PPFIA2: variants seen among roughly 807,000 people sequenced by gnomAD.
The protein encoded by PPFIA2 is PPFI scaffold protein A2, also known as liprin-alpha-2.
PPFIA2 carries 46 observed loss-of-function variants against 175.5 expected under a neutral mutation model. The observed-to-expected ratio is 0.26, with a 90% CI of 0.21 to 0.34. The LOEUF (loss-of-function observed/expected upper bound fraction) is 0.34. PPFIA2 is among the 10% of genes least tolerant of loss of function. The pLI, the probability that PPFIA2 is intolerant of heterozygous loss-of-function variation, is 1.00. For synonymous variants in PPFIA2, 568 were observed against 511.4 expected, an observed-to-expected ratio of 1.11 and a Z score of -1.49; for missense variants, 1,179 against 1,506.1, an observed-to-expected ratio of 0.78 and a Z score of 3.60.
At chr12:81,661,371 A>G (rs929582959) in intron 4 of PPFIA2, among the ~76,000 whole-genome samples, 6 of 152,230 alleles carry the variant, frequency 3.9e-5, no homozygotes, top group African/African-American at 1.2e-4. Context: ...AAGCAAATGG[A>G]AAACAGAAAA....
At chr12:81,466,860 T>C (rs1163186116) in intron 4 of PPFIA2, among the ~76,000 whole-genome samples, 1 of 147,530 alleles carries the variant, frequency 6.8e-6, no homozygotes, top group Non-Finnish European at 1.5e-5. Context: ...TTAAAAAATA[T>C]ATATAATTTT....
chr12:81,357,580 T>C (rs1414228289), intron 16 of PPFIA2, among the ~76,000 whole-genome samples: 3 of 152,218 alleles, frequency 2.0e-5, no homozygotes, highest in Non-Finnish European at 2.9e-5. Context: ...ATAGTCTATG[T>C]ACATTTTCTT....
At chr12:81,751,289 CATA>C (rs2083731099) in intron 3 of PPFIA2, among the ~76,000 whole-genome samples, 1 of 152,094 alleles carries the variant, frequency 6.6e-6, no homozygotes, top group Admixed American at 6.6e-5. Context: ...TGTATAGGCT[CATA>C]ATCCCTAATC....
intron 7 of PPFIA2, among the ~76,000 whole-genome samples, chr12:81,406,780 G>A (rs1282068909): frequency 1.3e-5 from 2 of 151,876 alleles, no homozygotes; most frequent in African/African-American, 2.4e-5. Flanking sequence ...GTCAATATTA[G>A]TTCTGGGAGA....
At chr12:81,538,597 T>C (rs1390969691) in intron 4 of PPFIA2, among the ~76,000 whole-genome samples, 1 of 151,896 alleles carries the variant, frequency 6.6e-6, no homozygotes, top group Non-Finnish European at 1.5e-5. Context: ...AAGATGCTAT[T>C]TCAACAAAGA....
intron 4 of PPFIA2, among the ~76,000 whole-genome samples, chr12:81,582,949 A>C (rs1005749869): frequency 2.0e-5 from 3 of 151,882 alleles, no homozygotes; most frequent in Non-Finnish European, 2.9e-5. Flanking sequence ...TATATTTTCA[A>C]TAAAAATATC....
At chr12:81,626,546 A>G (rs1345898674) in intron 4 of PPFIA2, among the ~76,000 whole-genome samples, 1 of 152,080 alleles carries the variant, frequency 6.6e-6, no homozygotes, top group Non-Finnish European at 1.5e-5. Flanking sequence ...TGTTTGAGTC[A>G]CCCTGCAGTA....
intron 21 of PPFIA2, among the ~76,000 whole-genome samples, chr12:81,327,298 A>G (rs2054999856): frequency 6.6e-6 from 1 of 152,062 alleles, no homozygotes; most frequent in Non-Finnish European, 1.5e-5. Context: ...GAATACGGGT[A>G]CTTAAATCTT....
chr12:81,675,249 G>T (rs1050109432), intron 4 of PPFIA2, among the ~76,000 whole-genome samples: 1 of 151,320 alleles, frequency 6.6e-6, no homozygotes, highest in South Asian at 2.1e-4. Flanking sequence ...GAGAGATAAA[G>T]TTGTATAACT....
At chr12:81,705,762 C>A (rs2153607350) in intron 3 of PPFIA2, among the ~76,000 whole-genome samples, 1 of 152,276 alleles carries the variant, frequency 6.6e-6, no homozygotes, top group African/African-American at 2.4e-5. Flanking sequence ...GCATGACTGT[C>A]TCATCAGCCA....
At chr12:81,704,274 C>T (rs1159388984) in intron 3 of PPFIA2, among the ~76,000 whole-genome samples, 1 of 152,084 alleles carries the variant, frequency 6.6e-6, no homozygotes, top group Non-Finnish European at 1.5e-5. Context: ...ACATAATTGT[C>T]ATCCAAAAAT....
intron 31 of PPFIA2, among the ~76,000 whole-genome samples, chr12:81,262,848 A>G (rs2036069169): frequency 6.6e-6 from 1 of 152,210 alleles, no homozygotes; most frequent in Non-Finnish European, 1.5e-5. Flanking sequence ...TTAAACATGT[A>G]GGGAGACAGT....
intron 4 of PPFIA2, among the ~76,000 whole-genome samples, chr12:81,629,730 C>T (rs1441223446): frequency 6.6e-6 from 1 of 152,164 alleles, no homozygotes; most frequent in Non-Finnish European, 1.5e-5. Context: ...ACTTCCACTG[C>T]ACCCTACATG....
chr12:81,308,837 A>G (rs2050002673), intron 22 of PPFIA2, among the ~76,000 whole-genome samples: 1 of 152,216 alleles, frequency 6.6e-6, no homozygotes, highest in Admixed American at 6.5e-5. Context: ...ATGAGATAGA[A>G]AAGTTGAATT....
chr12:81,377,417 T>C (rs761776410), intron 9 of PPFIA2, among the ~76,000 whole-genome samples: 1 of 151,970 alleles, frequency 6.6e-6, no homozygotes, highest in Non-Finnish European at 1.5e-5. Flanking sequence ...CTGGGCATCA[T>C]GGCTCATGCC....
rs1253409545 is a variant in PPFIA2, at chr12:81,754,157, C to T, written c.65G>A (p.Ser22Asn). 4 of 1,612,796 alleles carry T rather than the reference C, an allele frequency of 2.5e-6. No individual in the cohort carries two copies. The highest frequency in any genetic ancestry group is 2.5e-6 in the Non-Finnish European group (3 of 1,179,398). Residue 22 changes from serine (S) to asparagine (N), a missense_variant, in exon 3 of 33, where the codon AGC becomes AAC. This residue lies in a region of PPFIA2 where 128 missense variants were observed against 141.4 expected (regional missense o/e 0.91). Coordinates refer to ENST00000549396, the MANE Select transcript of PPFIA2 (RefSeq NM_003625.5). ...ATGGGAGTCTGAGTCCGAGCCACTGCTTTGGGACCCCCTTTGGCTCATTGG... is the reference window on the plus strand; with the variant it reads ...ATGGGAGTCTGAGTCCGAGCCACTGTTTTGGGACCCCCTTTGGCTCATTGG... The part of the protein sequence containing the change: ...DTPMSQRGSQ[S>N]SGSDSDSHFE...
intron 7 of PPFIA2, chr12:81,417,269 A>C (rs1038846870): frequency 1.3e-4 from 20 of 151,802 alleles, no homozygotes; most frequent in Admixed American, 6.6e-4. Context: ...CTGAAGATGG[A>C]CTTATTGATT....
chr12:81,622,445 A>G (rs2062164789), intron 4 of PPFIA2, among the ~76,000 whole-genome samples: 1 of 152,052 alleles, frequency 6.6e-6, no homozygotes, highest in Non-Finnish European at 1.5e-5. Context: ...TCAGCATAAG[A>G]ATGAATTTTC....
At chr12:81,372,981 G>A (rs902868472) in intron 11 of PPFIA2, among the ~76,000 whole-genome samples, 1 of 151,436 alleles carries the variant, frequency 6.6e-6, no homozygotes, top group Non-Finnish European at 1.5e-5. Context: ...CAAGATAAGA[G>A]GAAAAAATAT....
Sources: allele counts gnomAD v4.1 joint callset (sites outside exome capture counted in the v4.1 genomes callset), GRCh38; gene constraint gnomAD v4.1.1; regional missense constraint gnomAD v4.1.1; transcripts MANE v1.5; gene names NCBI Gene and HGNC (gene_info 2026-07-23, HGNC 2026-07-21).